TVP23C: variants seen among roughly 807,000 people sequenced by gnomAD.
The protein encoded by TVP23C is trans-golgi network vesicle protein 23 homolog C.
Under a neutral mutation model 28.7 loss-of-function variants are expected in TVP23C, and 19 were observed. The observed-to-expected ratio is 0.66, with a 90% confidence interval of 0.46 to 0.97. The LOEUF is 0.97. TVP23C is among the 50% of genes least tolerant of loss of function. The pLI is 0.00. For synonymous variants in TVP23C, 68 were observed against 81.7 expected (o/e 0.83, Z 0.90); for missense variants, 186 against 241.3 (o/e 0.77, Z 1.52).
In TVP23C at chr17:15,503,407, C is replaced by T. The variant is rs562521468; in HGVS notation, c.463-175G>A. 3 of 792,300 alleles carry T rather than the reference C, an allele frequency of 3.8e-6. No homozygotes were observed. In the African/African-American group the frequency reaches 5.3e-5, roughly 14 times the overall value. The allele number at this position is 792,300 out of a possible 1,614,324, so 49.1% of individuals were successfully genotyped here. On this transcript the variant is annotated intron_variant, in intron 5 of 5. Transcript: ENST00000225576. ...GCGACAGAGCAAGACCATGATATTT[C>T]AAGAAAAGTCCTTGAGGCAAAAGGT...
intron 5 of TVP23C, among the ~76,000 whole-genome samples, chr17:15,507,821 A>G (rs1319368980): frequency 6.6e-6 from 1 of 152,184 alleles, no homozygotes; most frequent in Non-Finnish European, 1.5e-5. Context: ...CCTGGGTGAC[A>G]GAGCGAGACT....
chr17:15,506,707 C>T (rs1003715488), intron 5 of TVP23C, among the ~76,000 whole-genome samples: 4 of 152,132 alleles, frequency 2.6e-5, no homozygotes, highest in Non-Finnish European at 5.9e-5. Flanking sequence ...AGCGAGACCA[C>T]GAACCCACCA....
At chr17:15,507,033 T>C in intron 5 of TVP23C, 1 of 1,306,100 alleles carries the variant, frequency 7.7e-7, no homozygotes, top group Non-Finnish European at 1.1e-6. Flanking sequence ...TTCACAGAAT[T>C]ATTCCAGAGT....
At chr17:15,525,944 T>C (rs1982705737) in intron 5 of TVP23C, among the ~76,000 whole-genome samples, 1 of 152,178 alleles carries the variant, frequency 6.6e-6, no homozygotes, top group Admixed American at 6.5e-5. Flanking sequence ...CACACGGTCA[T>C]TGCAAAGAGT....
At chr17:15,540,949 A>G (rs1983385800) in intron 5 of TVP23C, among the ~76,000 whole-genome samples, 1 of 152,264 alleles carries the variant, frequency 6.6e-6, no homozygotes, top group African/African-American at 2.4e-5. Context: ...AGGAATTACA[A>G]AAGAACAGTC....
At chr17:15,515,864 G>A (rs1337662328) in intron 5 of TVP23C, among the ~76,000 whole-genome samples, 1 of 152,106 alleles carries the variant, frequency 6.6e-6, no homozygotes, top group Non-Finnish European at 1.5e-5. Flanking sequence ...GCTGGAGGTG[G>A]GGCCTGGTGT....
intron 5 of TVP23C, among the ~76,000 whole-genome samples, chr17:15,531,867 T>C (rs1437433692): frequency 6.6e-6 from 1 of 152,232 alleles, no homozygotes; most frequent in African/African-American, 2.4e-5. Context: ...TAATATAAGG[T>C]GGCAACTCTG....
chr17:15,530,485 A>G (rs181826725), intron 5 of TVP23C, among the ~76,000 whole-genome samples: 2 of 152,206 alleles, frequency 1.3e-5, no homozygotes, highest in African/African-American at 2.4e-5. Flanking sequence ...ATAAGTTATA[A>G]CCCTATCAAC....
chr17:15,561,630 G>GAATGAATGAATAAATA (rs1350335513), intron 1 of TVP23C, among the ~76,000 whole-genome samples: 15 of 131,680 alleles, frequency 1.1e-4, no homozygotes, highest in African/African-American at 3.5e-4. Flanking sequence ...ATGAATGAAT[G>GAATGAATGAATAAATA]AATAAATAAA....
In TVP23C at chr17:15,538,094, C is replaced by G; in HGVS notation, c.*2318G>C. 6.2e-7 allele frequency: 1 copy of G among 1,612,772 alleles called. No individual in the cohort carries two copies. Among genetic ancestry groups the G allele is most frequent in the East Asian group, 2.2e-5 (1 of 44,864 alleles). On this transcript the variant is annotated 3_prime_UTR_variant, in exon 6 of 6. Transcript: ENST00000518321. ...GAGTCAAGAATCTCTTCAGTTGTTC[C>G]CCAATGTAACAAAGCACATAAGCTT...
intron 5 of TVP23C, among the ~76,000 whole-genome samples, chr17:15,515,226 C>T (rs1982173734): frequency 6.6e-6 from 1 of 152,174 alleles, no homozygotes; most frequent in Admixed American, 6.5e-5. Flanking sequence ...CAGAGTCTCC[C>T]TGTGCAATCC....
exon 6 of TVP23C, chr17:15,502,888 A>C: frequency 6.3e-7 from 1 of 1,591,234 alleles, no homozygotes; most frequent in Non-Finnish European, 8.6e-7. Context: ...ATGCCAGATG[A>C]AATTTTGGCC....
rs191033154 is a variant in TVP23C, at chr17:15,549,117, T to C, written c.241-1969A>G. ...TTTGAAATCTTATGTATTTTATATA[T>C]GTGAAAACTTATTCATGAGTTTATG... On this transcript the variant is annotated intron_variant, in intron 3 of 5. Coordinates refer to ENST00000518321, the MANE Select transcript of TVP23C (RefSeq NM_001135036.2). Among the ~76,000 whole-genome samples the C allele has an allele frequency of 2.2e-3, 331 of 152,324 alleles. 1 individual carries two copies. Among genetic ancestry groups the C allele is most frequent in the African/African-American group, 7.3e-3 (303 of 41,574 alleles).
Position 15,558,013 on chromosome 17 carries a change from C to G in TVP23C, c.13-2649G>C, listed in dbSNP as rs546937635. 4.9e-4 allele frequency among the ~76,000 whole-genome samples: 73 copies of G among 149,266 alleles called. 7 individuals carry two copies. Among genetic ancestry groups the G allele is most frequent in the South Asian group, 1.1e-3 (5 of 4,600 alleles). ...ATCTATGAAACTAGTGGTTCTCAACCTTGGCTACAATTAGAATGCTCTTTT... is the reference window on the plus strand; with the variant it reads ...ATCTATGAAACTAGTGGTTCTCAACGTTGGCTACAATTAGAATGCTCTTTT... On this transcript the variant is annotated intron_variant, in intron 1 of 5. Transcript: ENST00000518321.
downstream of TVP23C, among the ~76,000 whole-genome samples, chr17:15,532,685 T>C (rs1383257672): frequency 6.6e-6 from 1 of 152,226 alleles, no homozygotes; most frequent in Non-Finnish European, 1.5e-5. Flanking sequence ...ACTGATTTTA[T>C]GCAGAATCAG....
rs752220418 is a variant in TVP23C at position 15,545,824 on chromosome 17, A to T, written c.423T>A (p.Phe141Leu). The T allele has an allele frequency of 3.1e-6, 5 of 1,614,146 alleles. No individual in the cohort carries two copies. The highest frequency in any genetic ancestry group is 4.2e-6 in the Non-Finnish European group (5 of 1,180,000). Residue 141 changes from phenylalanine (F) to leucine (L), a missense_variant, in exon 5 of 6, where the codon TTT becomes TTA. Physicochemically the swap from Phe to Leu is conservative, Grantham distance 22. Around this residue, in one of 3 missense-constraint regions of TVP23C, gnomAD observed 74 missense variants for 96.0 expected, o/e 0.77. Coordinates refer to ENST00000518321, the MANE Select transcript of TVP23C (RefSeq NM_001135036.2). ...LIACSVLWVI[F>L]AFSALFSFTV... is the part of the protein sequence containing the mutation. ...TGAAGGAGAAGAGTGCACTAAAGGC[A>T]AATATCACCCACAGTACTGAACAGG...
intron 5 of TVP23C, among the ~76,000 whole-genome samples, chr17:15,524,063 G>GGTGTGTGTGT (rs10578424): frequency 8.0e-4 from 109 of 136,350 alleles, no homozygotes; most frequent in African/African-American, 1.6e-3. Flanking sequence ...AGCAGAGTGG[G>GGTGTGTGTGT]GTGTGTGTGT....
At chr17:15,525,702 G>A (rs569438253) in intron 5 of TVP23C, among the ~76,000 whole-genome samples, 28 of 152,100 alleles carry the variant, frequency 1.8e-4, no homozygotes, top group Admixed American at 5.2e-4. Flanking sequence ...GCATGCACGC[G>A]TGTGCATGCG....
exon 6 of TVP23C, chr17:15,503,172 CGGGAGG>C (rs1421534675): frequency 8.2e-6 from 13 of 1,586,758 alleles, no homozygotes; most frequent in Non-Finnish European, 1.1e-5. Flanking sequence ...AAGGCGGAAG[CGGGAGG>C]ATCTCTTGAG....
Sources: gnomAD v4.1 joint callset for allele counts (sites outside exome capture counted in the v4.1 genomes callset) on GRCh38, gnomAD v4.1.1 for gene constraint, gnomAD v4.1.1 regional missense constraint, MANE v1.5 for transcripts, NCBI Gene and HGNC (gene_info 2026-07-23, HGNC 2026-07-21) for gene names.